Variants in FKBP5 observed in about 807,000 individuals in gnomAD.
FKBP5 encodes the protein peptidyl-prolyl cis-trans isomerase FKBP5.
FKBP5 carries 23 observed loss-of-function variants against 50.5 expected under a neutral mutation model. The observed-to-expected ratio is 0.46, with a 90% CI of 0.33 to 0.65. The LOEUF is 0.65. FKBP5 is among the 30% of genes least tolerant of loss of function. FKBP5 has a pLI of 0.02. For missense variants in FKBP5, 411 were observed against 553.1 expected, an observed-to-expected ratio of 0.74 and a Z score of 2.58; for synonymous variants, 176 against 190.6, an observed-to-expected ratio of 0.92 and a Z score of 0.63.
intron 7 of FKBP5, among the ~76,000 whole-genome samples, chr6:35,590,811 C>T (rs1011857378): frequency 9.3e-5 from 14 of 150,510 alleles, no homozygotes; most frequent in African/African-American, 3.4e-4. Flanking sequence ...TGTCCTCAAC[C>T]CAGGAAAAAA....
intron 7 of FKBP5, among the ~76,000 whole-genome samples, chr6:35,587,539 T>C (rs1368532011): frequency 6.6e-6 from 1 of 152,174 alleles, no homozygotes; most frequent in East Asian, 1.9e-4. Flanking sequence ...TGTAGTCAAG[T>C]TGTAGTTTGT....
chr6:35,601,020 C>G (rs1763129937), intron 5 of FKBP5, among the ~76,000 whole-genome samples: 1 of 152,106 alleles, frequency 6.6e-6, no homozygotes, highest in Non-Finnish European at 1.5e-5. Context: ...ATTAAGAAAG[C>G]AAAACATTCA....
intron 5 of FKBP5, among the ~76,000 whole-genome samples, chr6:35,605,634 G>A (rs1763290263): frequency 6.6e-6 from 1 of 151,974 alleles, no homozygotes; most frequent in African/African-American, 2.4e-5. Flanking sequence ...CTAGGCTCAT[G>A]CAATCCTCCT....
At chr6:35,606,891 C>A (rs1763337999) in intron 5 of FKBP5, among the ~76,000 whole-genome samples, 1 of 152,070 alleles carries the variant, frequency 6.6e-6, no homozygotes, top group African/African-American at 2.4e-5. Context: ...ATCGTTCTAT[C>A]AGAAAGATAG....
chr6:35,677,072 T>TTGTTG (rs1383723525), intron 1 of FKBP5, among the ~76,000 whole-genome samples: 6 of 152,102 alleles, frequency 3.9e-5, no homozygotes, highest in South Asian at 2.1e-4. Flanking sequence ...TTGTTTTGTT[T>TTGTTG]TGTTGTGTTG....
chr6:35,619,152 C>G lies in FKBP5; in HGVS notation c.452G>C (p.Arg151Thr). The change falls in exon 5 of 11, where the codon AGA becomes ACA. Residue 151 changes from arginine (R) to threonine (T), a missense_variant. Physicochemically the swap from Arg to Thr is moderately conservative, Grantham distance 71. Around this residue, in one of 3 missense-constraint regions of FKBP5, gnomAD observed 267 missense variants for 405.9 expected, o/e 0.66. Transcript: ENST00000357266. ...ATATCCCTCTCCTTTCCGTTTGGTT[C>G]TCCGGATAATGCCTCCATCTTCAAA... Reference protein sequence around the residue: ...DLFEDGGIIRRTKRKGEGYSN... With the variant: ...DLFEDGGIIRTTKRKGEGYSN... 1.2e-6 allele frequency: 2 copies of G among 1,613,892 alleles called. No homozygotes were observed. Among genetic ancestry groups the G allele is most frequent in the African/African-American group, 1.3e-5 (1 of 74,992 alleles).
intron 1 of FKBP5, among the ~76,000 whole-genome samples, chr6:35,726,728 G>C (rs765574488): frequency 2.6e-5 from 4 of 152,118 alleles, no homozygotes. Flanking sequence ...AACATCCAGC[G>C]TGTTTGTCTC....
rs1354559251 is a variant in FKBP5, at chr6:35,579,922, A to T, written c.1026+114T>A. ...AATAATCCCAAACATTCAAATAAAT[A>T]AAAAAAAGCAAAATGAAAAATCCTG... On this transcript the variant is annotated intron_variant, in intron 9 of 10. Transcript: ENST00000357266. 16 of 763,428 alleles carry T rather than the reference A, an allele frequency of 2.1e-5. No homozygotes were observed. In the East Asian group the frequency reaches 2.4e-4, roughly 11 times the overall value. 47.3% of individuals were successfully genotyped at this position (763,428 alleles called of 1,614,324 possible).
chr6:35,705,238 ATATATATATATATATATATATTTTTTT>A (rs1242682026), intron 2 of FKBP5, among the ~76,000 whole-genome samples: 2 of 34,736 alleles, frequency 5.8e-5, no homozygotes, highest in Non-Finnish European at 1.1e-4. Flanking sequence ...ATATATATAT[ATATATATATATATATATATATTTTTTT>A]TTTTTTTTTT....
upstream of FKBP5, among the ~76,000 whole-genome samples, chr6:35,693,415 G>A (rs998540249): frequency 2.0e-5 from 3 of 151,616 alleles, no homozygotes; most frequent in Non-Finnish European, 4.4e-5. Context: ...CGCCCGCCTC[G>A]GCCTCCCAAA....
intron 5 of FKBP5, among the ~76,000 whole-genome samples, chr6:35,615,217 T>C (rs1282840538): frequency 1.3e-5 from 2 of 151,878 alleles, no homozygotes; most frequent in Non-Finnish European, 2.9e-5. Context: ...TATAGATGTA[T>C]ACGTATGTAT....
chr6:35,695,568 C>T (rs1343089946), intron 2 of FKBP5, among the ~76,000 whole-genome samples: 2 of 152,210 alleles, frequency 1.3e-5, no homozygotes, highest in Non-Finnish European at 2.9e-5. Flanking sequence ...AGACATAAAA[C>T]TATCTCTTCA....
At chr6:35,611,036 C>A (rs1019993036) in intron 5 of FKBP5, among the ~76,000 whole-genome samples, 2 of 152,194 alleles carry the variant, frequency 1.3e-5, no homozygotes, top group African/African-American at 4.8e-5. Flanking sequence ...CACCAGATGA[C>A]CATGAGCTTG....
chr6:35,717,816 C>T (rs1766539735), intron 2 of FKBP5, among the ~76,000 whole-genome samples: 1 of 152,222 alleles, frequency 6.6e-6, no homozygotes, highest in Admixed American at 6.5e-5. Flanking sequence ...AGGGCAGCCA[C>T]CTTTGCCAGA....
chr6:35,590,552 G>A (rs1031516136), intron 7 of FKBP5, among the ~76,000 whole-genome samples: 38 of 152,012 alleles, frequency 2.5e-4, no homozygotes, highest in African/African-American at 8.9e-4. Flanking sequence ...GGAATCCAAG[G>A]CAACTGACAA....
chr6:35,702,553 C>T (rs572901763), intron 2 of FKBP5, among the ~76,000 whole-genome samples: 3 of 151,784 alleles, frequency 2.0e-5, no homozygotes, highest in Non-Finnish European at 2.9e-5. Flanking sequence ...CCTGGATTCA[C>T]GCCATTCTAC....
intron 3 of FKBP5, among the ~76,000 whole-genome samples, chr6:35,625,701 A>G (rs1332789316): frequency 6.8e-6 from 1 of 147,680 alleles, no homozygotes; most frequent in Admixed American, 6.8e-5. Flanking sequence ...GCGCCACTGC[A>G]CTCCAGCCTG....
chr6:35,626,476 T>TA (rs532878661), intron 3 of FKBP5, among the ~76,000 whole-genome samples: 2 of 151,882 alleles, frequency 1.3e-5, no homozygotes, highest in African/African-American at 4.8e-5. Flanking sequence ...CCTTGAGTTT[T>TA]AAAAAAAACG....
intron 1 of FKBP5, among the ~76,000 whole-genome samples, chr6:35,657,227 G>C (rs1283287625): frequency 1.3e-5 from 2 of 152,064 alleles, no homozygotes; most frequent in Non-Finnish European, 2.9e-5. Context: ...GTAAAAAAAA[G>C]AAAAAAGAAA....
Sources: allele counts gnomAD v4.1 joint callset (sites outside exome capture counted in the v4.1 genomes callset), GRCh38; gene constraint gnomAD v4.1.1; regional missense constraint gnomAD v4.1.1; transcripts MANE v1.5; gene names NCBI Gene and HGNC (gene_info 2026-07-23, HGNC 2026-07-21).